The following TFAP2B variants were observed in gnomAD, a reference collection of about 807,000 sequenced individuals.
TFAP2B encodes the protein transcription factor AP-2-beta.
In TFAP2B, 9 loss-of-function variants were observed where a neutral mutation model predicts 44.3. That is an observed-to-expected ratio of 0.20 (90% CI 0.12 to 0.35). The LOEUF (loss-of-function observed/expected upper bound fraction) is 0.35, where lower values mean the gene tolerates loss of function less well. Among genes scored for constraint, TFAP2B ranks in the 10% least tolerant of loss-of-function variants. TFAP2B has a pLI of 1.00. For missense variants in TFAP2B, 509 were observed against 600.0 expected (o/e 0.85, Z 1.59); for synonymous variants, 270 against 263.8 (o/e 1.02, Z -0.23).
intron 6 of TFAP2B, among the ~76,000 whole-genome samples, chr6:50,840,974 C>T (rs1188769052): frequency 6.6e-6 from 1 of 152,238 alleles, no homozygotes; most frequent in Non-Finnish European, 1.5e-5. Flanking sequence ...GCAGGCGCGG[C>T]CCAAACAGCC....
Position 50,823,794 on chromosome 6 carries a change from G to T in TFAP2B, c.469G>T (p.Gly157Cys). Residue 157 changes from glycine to cysteine, a missense_variant, in exon 2 of 7, where the codon GGC (glycine) becomes TGC (cysteine). Transcript: ENST00000393655. ...CGTGCTGCTGCATTCGGCGCACCAC[G>T]GCCTGGACGCGGGCATGGGTGACAG... ...PDVLLHSAHH[G>C]LDAGMGDSLS... 6.3e-7 allele frequency: 1 copy of T among 1,583,286 alleles called. No homozygotes were observed. The highest frequency in any genetic ancestry group is 8.6e-7 in the Non-Finnish European group (1 of 1,164,630).
chr6:50,826,767 A>G (rs1311935873), intron 2 of TFAP2B, among the ~76,000 whole-genome samples: 4 of 152,138 alleles, frequency 2.6e-5, no homozygotes, highest in Non-Finnish European at 4.4e-5. Context: ...TCTACCACCC[A>G]TGAATATAAA....
chr6:50,841,143 A>G lies in TFAP2B; in HGVS notation c.1082+846A>G, dbSNP rs993357004. On this transcript the variant is annotated intron_variant, in intron 6 of 6. Transcript: ENST00000393655. ...GCCCCTTTCCGCAGGGTCAAAAAAT[A>G]TTAATGTCCCAGAACTTTAATTGCT... Among the ~76,000 whole-genome samples the G allele has an allele frequency of 5.9e-5, 9 of 152,382 alleles. No homozygotes were observed. In the East Asian group the frequency reaches 1.7e-3, roughly 29 times the overall value.
chr6:50,835,839 CA>C (rs1392713417), intron 3 of TFAP2B, among the ~76,000 whole-genome samples: 2 of 152,218 alleles, frequency 1.3e-5, no homozygotes, highest in Non-Finnish European at 2.9e-5. Context: ...AAATGACACT[CA>C]TATGTCTACA....
chr6:50,823,567 A>G lies in TFAP2B; in HGVS notation c.242A>G (p.Gln81Arg). Reference sequence around the variant, plus strand: ...CCCTACCAGCCGCTCCCCTACCACCAGAGCCAGGACCCCTACTCCCACGTC... The same window carrying G: ...CCCTACCAGCCGCTCCCCTACCACCGGAGCCAGGACCCCTACTCCCACGTC... Reference protein sequence around the residue: ...PPPYQPLPYHQSQDPYSHVND... With the variant: ...PPPYQPLPYHRSQDPYSHVND... The change falls in exon 2 of 7, where the codon CAG becomes CGG. Residue 81 changes from glutamine to arginine, a missense_variant. Gln to Arg is a conservative substitution (Grantham distance 43). This residue lies in a region of TFAP2B where 296 missense variants were observed against 308.2 expected (regional missense o/e 0.96). Transcript: ENST00000393655. 1 of 1,611,394 alleles carries G rather than the reference A, an allele frequency of 6.2e-7. No individual in the cohort carries two copies. The highest frequency in any genetic ancestry group is 8.5e-7 in the Non-Finnish European group (1 of 1,179,462).
At chr6:50,826,589 G>T (rs935055940) in intron 2 of TFAP2B, among the ~76,000 whole-genome samples, 1 of 150,888 alleles carries the variant, frequency 6.6e-6, no homozygotes, top group Non-Finnish European at 1.5e-5. Context: ...GCGCGCGCGT[G>T]TGTGTGTGTG....
intron 6 of TFAP2B, 117 bp from the exon 7 acceptor site, chr6:50,842,975 C>T: frequency 3.6e-6 from 5 of 1,371,578 alleles, no homozygotes; most frequent in Non-Finnish European, 5.2e-6. Context: ...GAATCGCCCA[C>T]ATTAGCCTCG....
chr6:50,820,889 G>T (rs1202212372), intron 1 of TFAP2B, among the ~76,000 whole-genome samples: 1 of 152,020 alleles, frequency 6.6e-6, no homozygotes, highest in Non-Finnish European at 1.5e-5. Context: ...GAGAGGAAGA[G>T]GGAGGGGTGG....
At chr6:50,825,069 G>A (rs756223824) in intron 2 of TFAP2B, among the ~76,000 whole-genome samples, 1 of 152,152 alleles carries the variant, frequency 6.6e-6, no homozygotes, top group South Asian at 2.1e-4. Flanking sequence ...TTAAAATGTG[G>A]TGACAGCATC....
Position 50,823,290 on chromosome 6 carries a change from C to T in TFAP2B, c.82-117C>T. The T allele has an allele frequency of 4.3e-6, 4 of 923,392 alleles. No homozygotes were observed. The South Asian group carries it at 5.6e-5, about 13-fold the overall frequency. The allele number at this position is 923,392 out of a possible 1,614,324, so 57.2% of individuals were successfully genotyped here. ...AAGAGCGTACAAAAGCCGGGCTTCTCCATTTGTCACTTGTATTTTTTTTCT... is the reference window on the plus strand; with the variant it reads ...AAGAGCGTACAAAAGCCGGGCTTCTTCATTTGTCACTTGTATTTTTTTTCT... On this transcript the variant is annotated intron_variant, in intron 1 of 6. Coordinates refer to ENST00000393655, the MANE Select transcript of TFAP2B (RefSeq NM_003221.4).
At chr6:50,835,294 C>T (rs941661216) in intron 3 of TFAP2B, among the ~76,000 whole-genome samples, 2 of 152,222 alleles carry the variant, frequency 1.3e-5, no homozygotes, top group African/African-American at 4.8e-5. Context: ...CATAACTGTT[C>T]CAAACAATCA....
chr6:50,837,670 G>A (rs1010338198), intron 4 of TFAP2B, among the ~76,000 whole-genome samples: 5 of 152,022 alleles, frequency 3.3e-5, no homozygotes, highest in Non-Finnish European at 4.4e-5. Flanking sequence ...GAACATGCAC[G>A]TGCATGTGCA....
chr6:50,835,135 G>A (rs2113947995), intron 3 of TFAP2B, among the ~76,000 whole-genome samples: 1 of 152,298 alleles, frequency 6.6e-6, no homozygotes, highest in South Asian at 2.1e-4. Flanking sequence ...GCAACCAGCT[G>A]TCAACTCTTA....
intron 3 of TFAP2B, among the ~76,000 whole-genome samples, chr6:50,832,702 T>C (rs1762537836): frequency 6.6e-6 from 1 of 152,108 alleles, no homozygotes; most frequent in African/African-American, 2.4e-5. Flanking sequence ...ATTTCTTCCC[T>C]TCTCCTCACC....
rs1374948489 is a variant in TFAP2B, at chr6:50,843,264, A to C, written c.1255A>C (p.Asn419His). 6.2e-7 allele frequency: 1 copy of C among 1,614,184 alleles called. No homozygotes were observed. Among genetic ancestry groups the C allele is most frequent in the Non-Finnish European group, 8.5e-7 (1 of 1,180,038 alleles). ...AICAALTALQ[N>H]YLTEALKGMD... ...TTGCGCCGCGCTCACGGCCCTGCAG[A>C]ACTATCTCACCGAGGCGCTCAAAGG... The change falls in exon 7 of 7, where the codon AAC (asparagine) becomes CAC (histidine). Residue 419 changes from asparagine (N) to histidine (H), a missense_variant. Asn to His is a moderately conservative substitution (Grantham distance 68). Around this residue, in one of 3 missense-constraint regions of TFAP2B, gnomAD observed 168 missense variants for 183.2 expected, o/e 0.92. Transcript: ENST00000393655.
Position 50,820,125 on chromosome 6 carries a change from T to A in TFAP2B, c.81+1153T>A, listed in dbSNP as rs182737614. Among the ~76,000 whole-genome samples the A allele has an allele frequency of 2.3e-4, 34 of 150,614 alleles. No individual in the cohort carries two copies. The East Asian group carries it at 6.7e-3, about 30-fold the overall frequency. On this transcript the variant is annotated intron_variant, in intron 1 of 6. Coordinates refer to ENST00000393655, the MANE Select transcript of TFAP2B (RefSeq NM_003221.4). ...CATGGAGATTGCTAAGAGGAAAAGTTGGAGAGAAAAGGAAGGAAGAGAAGC... is the reference window on the plus strand; with the variant it reads ...CATGGAGATTGCTAAGAGGAAAAGTAGGAGAGAAAAGGAAGGAAGAGAAGC...
intron 1 of TFAP2B, chr6:50,822,121 C>A: frequency 7.7e-7 from 1 of 1,301,322 alleles, no homozygotes; most frequent in Non-Finnish European, 1.0e-6. Context: ...AGTAACCAGG[C>A]TTTTTTTTCC....
chr6:50,829,216 G>A (rs1260219099), intron 3 of TFAP2B, among the ~76,000 whole-genome samples: 1 of 152,138 alleles, frequency 6.6e-6, no homozygotes, highest in Non-Finnish European at 1.5e-5. Context: ...AGCTGAGACA[G>A]CCTATGCACA....
At chr6:50,834,760 A>G (rs942700194) in intron 3 of TFAP2B, among the ~76,000 whole-genome samples, 3 of 152,208 alleles carry the variant, frequency 2.0e-5, no homozygotes, top group Admixed American at 1.3e-4. Flanking sequence ...ACTTTATCAA[A>G]TAGGTAGGGT....
Sources: gnomAD v4.1 joint callset for allele counts (sites outside exome capture counted in the v4.1 genomes callset) on GRCh38, gnomAD v4.1.1 for gene constraint, gnomAD v4.1.1 regional missense constraint, MANE v1.5 for transcripts, NCBI Gene and HGNC (gene_info 2026-07-23, HGNC 2026-07-21) for gene names.